The following GPSM2 variants were observed in gnomAD, a reference collection of about 807,000 sequenced individuals.
The protein encoded by GPSM2 is G protein-signaling modulator 2.
GPSM2 carries 58 observed loss-of-function variants against 78.4 expected under a neutral mutation model. The ratio of observed to expected loss-of-function variants is 0.74; its 90% CI spans 0.60 to 0.92. GPSM2 has a LOEUF of 0.92. Ranked by LOEUF, GPSM2 falls within the 40% of genes least tolerant of loss-of-function variation. The pLI, the probability that GPSM2 is intolerant of heterozygous loss-of-function variation, is 0.00. For synonymous variants in GPSM2, 224 were observed against 280.2 expected (o/e 0.80, Z 2.00); for missense variants, 700 against 815.5 (o/e 0.86, Z 1.73).
intron 10 of GPSM2, among the ~76,000 whole-genome samples, chr1:108,912,897 G>A (rs1313425792): frequency 3.6e-5 from 4 of 110,584 alleles, no homozygotes; most frequent in South Asian, 2.8e-4. Flanking sequence ...AAAAAAAAAA[G>A]GGTGGGGGGG....
chr1:108,909,431 TTAA>T (rs1649524752), intron 10 of GPSM2, among the ~76,000 whole-genome samples: 1 of 152,234 alleles, frequency 6.6e-6, no homozygotes, highest in African/African-American at 2.4e-5. Context: ...AATTTAGAAA[TTAA>T]TAAGATAATA....
In GPSM2 at chr1:108,931,651, ATT is replaced by A; in HGVS notation, c.*1712_*1713del. The A allele has an allele frequency of 5.2e-6, 5 of 959,694 alleles. No homozygotes were observed. Among genetic ancestry groups the A allele is most frequent in the Non-Finnish European group, 7.3e-6 (5 of 684,910 alleles). 59.4% of individuals were successfully genotyped at this position (959,694 alleles called of 1,614,324 possible). On this transcript the variant is annotated 3_prime_UTR_variant, in exon 15 of 15. Coordinates refer to ENST00000264126, the MANE Select transcript of GPSM2 (RefSeq NM_013296.5). The stretch of plus-strand genomic sequence containing the variant: ...GCTAAAAAAAAAAAAAAAGTTCTAA[ATT>A]ACAACCTGGATTACATTATGTTTCA...
intron 14 of GPSM2, among the ~76,000 whole-genome samples, chr1:108,924,618 C>G (rs572471563): frequency 4.7e-4 from 72 of 152,226 alleles, no homozygotes; most frequent in African/African-American, 1.7e-3. Context: ...GTCATTTGAA[C>G]AGAGACCTGA....
intron 11 of GPSM2, 84 bp from the exon 12 acceptor site, chr1:108,918,529 G>A (rs565609137): frequency 7.3e-5 from 71 of 973,976 alleles, no homozygotes; most frequent in South Asian, 6.0e-4. Flanking sequence ...AAGTGAGTAC[G>A]TCAGGTTAAT....
At chr1:108,924,844 C>T (rs1329983825) in intron 14 of GPSM2, among the ~76,000 whole-genome samples, 4 of 151,942 alleles carry the variant, frequency 2.6e-5, no homozygotes, top group African/African-American at 7.3e-5. Flanking sequence ...ATGATAAAGT[C>T]GTGTTTTAGA....
In GPSM2 at chr1:108,896,858, T is replaced by G. The variant is rs1038043089; in HGVS notation, c.57-6T>G. ...GTTTAAATGTCTGTCCTGTATAATT[T>G]TGTAGAATGGAAGCTTCTTGCCTAG... On this transcript the variant is annotated splice_polypyrimidine_tract_variant and splice_region_variant and intron_variant, in intron 2 of 14. Coordinates refer to ENST00000264126, the MANE Select transcript of GPSM2 (RefSeq NM_013296.5). 3.8e-6 allele frequency: 6 copies of G among 1,598,758 alleles called. No individual in the cohort carries two copies. In the African/African-American group the frequency reaches 8.0e-5, roughly 21 times the overall value.
In GPSM2 at chr1:108,883,054, T is replaced by C. The variant is rs568358088; in HGVS notation, c.-248-2221T>C. ...CCACTGTACTCCAACCTGGGCAACATAGCAAGATCCCATCTCTAAAAAAAC... is the reference window on the plus strand; with the variant it reads ...CCACTGTACTCCAACCTGGGCAACACAGCAAGATCCCATCTCTAAAAAAAC... On this transcript the variant is annotated intron_variant, in intron 1 of 14. Transcript: ENST00000264126. 3.7e-3 allele frequency among the ~76,000 whole-genome samples: 566 copies of C among 152,224 alleles called. 4 individuals carry two copies. Among genetic ancestry groups the C allele is most frequent in the African/African-American group, 0.013 (544 of 41,536 alleles).
In GPSM2 at chr1:108,931,624, C is replaced by G; in HGVS notation, c.*1684C>G. On this transcript the variant is annotated 3_prime_UTR_variant, in exon 15 of 15. Transcript: ENST00000264126. ...CCTGGAATTAATTACATTAAGTGCT[C>G]AGCTAAAAAAAAAAAAAAAGTTCTA... 9.6e-7 allele frequency: 1 copy of G among 1,045,578 alleles called. No homozygotes were observed. The highest frequency in any genetic ancestry group is 1.2e-6 in the Non-Finnish European group (1 of 801,270). 64.8% of individuals were successfully genotyped at this position (1,045,578 alleles called of 1,614,324 possible).
chr1:108,918,793 CG>C lies in GPSM2; in HGVS notation c.1440+5del. 1 of 1,602,904 alleles carries C rather than the reference CG, an allele frequency of 6.2e-7. No individual in the cohort carries two copies. The highest frequency in any genetic ancestry group is 1.3e-5 in the African/African-American group (1 of 74,696). On this transcript the variant is annotated splice_donor_5th_base_variant and intron_variant, in intron 12 of 14. Coordinates refer to ENST00000264126, the MANE Select transcript of GPSM2 (RefSeq NM_013296.5). The stretch of plus-strand genomic sequence containing the variant: ...CCGAATTCCAAATTCTCAGAGGGTA[CG>C]TTTAAACTAAGTTTTTGAGTATTGT...
intron 2 of GPSM2, among the ~76,000 whole-genome samples, chr1:108,891,448 C>T (rs1052067288): frequency 1.3e-5 from 2 of 152,118 alleles, no homozygotes; most frequent in Admixed American, 1.3e-4. Flanking sequence ...TAACCTGTCT[C>T]AGCATCACTT....
At position 108,933,304 on chromosome 1, in the gene GPSM2, A is replaced by T. The variant is rs1440656817; in HGVS notation, c.*3364A>T. The T allele has an allele frequency of 4.4e-4, 1 of 2,274 alleles. No individual in the cohort carries two copies. The highest frequency in any genetic ancestry group is 1.1e-3 in the Non-Finnish European group (1 of 880). The allele number at this position is 2,274 out of a possible 1,614,324, so 0.1% of individuals were successfully genotyped here. ...GAGCCACTGCACCTGGCCTAAAATT[A>T]CATTGTTACAGGCACGTAAGTAACA... is the stretch of plus-strand genomic sequence containing the variant. On this transcript the variant is annotated 3_prime_UTR_variant, in exon 15 of 15. Coordinates refer to ENST00000264126, the MANE Select transcript of GPSM2 (RefSeq NM_013296.5).
In GPSM2 at chr1:108,932,310, C is replaced by CTTAAT. The variant is rs1435504337; in HGVS notation, c.*2373_*2377dup. The stretch of plus-strand genomic sequence containing the variant: ...TTCAAAAAAGCTTCACAATATAAAC[C>CTTAAT]TTAATTTTAATGACATATTGGCTAG... On this transcript the variant is annotated 3_prime_UTR_variant, in exon 15 of 15. Transcript: ENST00000264126. The CTTAAT allele has an allele frequency of 1.3e-5, 2 of 152,156 alleles. No individual in the cohort carries two copies. The highest frequency in any genetic ancestry group is 4.8e-5 in the African/African-American group (2 of 41,530). 9.4% of individuals were successfully genotyped at this position (152,156 alleles called of 1,614,324 possible). A position where few individuals can be genotyped will look rare whatever the true frequency, so the allele number is the denominator to read the frequency against.
At chr1:108,903,307 T>C in intron 9 of GPSM2, 73 bp downstream of exon 9, 1 of 784,824 alleles carries the variant, frequency 1.3e-6, no homozygotes, top group Non-Finnish European at 2.2e-6. Flanking sequence ...GGAACCCTAT[T>C]TCTCTAGATT....
intron 1 of GPSM2, among the ~76,000 whole-genome samples, chr1:108,884,983 GT>G: frequency 6.6e-6 from 1 of 152,214 alleles, no homozygotes; most frequent in East Asian, 1.9e-4. Flanking sequence ...CAGCAATTTT[GT>G]TTTTAGATGC....
intron 14 of GPSM2, among the ~76,000 whole-genome samples, chr1:108,925,443 C>G (rs1651046075): frequency 6.9e-6 from 1 of 145,254 alleles, no homozygotes; most frequent in Non-Finnish European, 1.5e-5. Context: ...AAGCCCTGAG[C>G]ATTTCAAAAT....
chr1:108,902,962 G>A (rs991792064), intron 8 of GPSM2, among the ~76,000 whole-genome samples, 164 bp from the exon 9 acceptor site: 1 of 151,458 alleles, frequency 6.6e-6, no homozygotes, highest in African/African-American at 2.4e-5. Context: ...TTTTAATCTG[G>A]GTATTCTAGT....
chr1:108,911,853 G>A (rs79666233), intron 10 of GPSM2, among the ~76,000 whole-genome samples: 9 of 144,602 alleles, frequency 6.2e-5, no homozygotes, highest in South Asian at 2.2e-4. Context: ...GTCACCAGGC[G>A]GAACTGCAGT....
At chr1:108,886,741 G>T (rs1174334182) in intron 2 of GPSM2, among the ~76,000 whole-genome samples, 1 of 152,150 alleles carries the variant, frequency 6.6e-6, no homozygotes, top group African/African-American at 2.4e-5. Flanking sequence ...ATCCAAATCA[G>T]ACATACACAT....
intron 7 of GPSM2, among the ~76,000 whole-genome samples, chr1:108,899,641 G>T (rs1381321120): frequency 2.0e-5 from 3 of 152,176 alleles, no homozygotes; most frequent in Non-Finnish European, 4.4e-5. Flanking sequence ...AGTTTAGACA[G>T]CTTCAAGTTG....
Sources: gnomAD v4.1 joint callset for allele counts (sites outside exome capture counted in the v4.1 genomes callset) on GRCh38, gnomAD v4.1.1 for gene constraint, MANE v1.5 for transcripts, NCBI Gene and HGNC (gene_info 2026-07-23, HGNC 2026-07-21) for gene names.